SCN2A: variants seen among roughly 807,000 people sequenced by gnomAD.
SCN2A encodes the protein sodium channel protein type 2 subunit alpha.
Under a neutral mutation model 188.7 loss-of-function variants are expected in SCN2A, and 20 were observed. That is an observed-to-expected ratio of 0.11 (90% CI 0.07 to 0.15). The LOEUF is 0.15. SCN2A is among the 10% of genes least tolerant of loss of function. The probability of loss-of-function intolerance (pLI) is 1.00; values close to 1 mark genes in which losing one functional copy is unlikely to be tolerated. For missense variants in SCN2A, 1,278 were observed against 2,445.0 expected (o/e 0.52, Z 10.07); for synonymous variants, 804 against 833.1 (o/e 0.97, Z 0.60).
chr2:165,279,974 A>G (rs961160202), intron 1 of SCN2A, among the ~76,000 whole-genome samples: 1 of 152,130 alleles, frequency 6.6e-6, no homozygotes, highest in Admixed American at 6.6e-5. Flanking sequence ...TTTGCCTGCC[A>G]CCATTCACGA....
At chr2:165,312,476 A>G (rs1697491028) in intron 8 of SCN2A, among the ~76,000 whole-genome samples, 1 of 152,108 alleles carries the variant, frequency 6.6e-6, no homozygotes. Context: ...AATATCTGAG[A>G]CATGGGGAGT....
In SCN2A at chr2:165,306,768, T is replaced by C. The variant is rs577985363; in HGVS notation, c.387-1080T>C. 1.7e-3 allele frequency among the ~76,000 whole-genome samples: 260 copies of C among 152,202 alleles called. 1 individual carries two copies. The highest frequency in any genetic ancestry group is 2.6e-3 in the Non-Finnish European group (174 of 68,000). ...ACACAACATTGTCCAGTTGTAATAG[T>C]GTTGATATTTCATTATGTGTAAGTA... On this transcript the variant is annotated intron_variant, in intron 3 of 26. Coordinates refer to ENST00000375437, the MANE Select transcript of SCN2A (RefSeq NM_001040142.2).
intron 18 of SCN2A, among the ~76,000 whole-genome samples, chr2:165,365,472 G>A (rs900390434): frequency 5.9e-4 from 87 of 147,370 alleles, no homozygotes; most frequent in African/African-American, 2.2e-3. Context: ...GAAAAAAAAT[G>A]CAACTTTTTA....
At chr2:165,266,589 C>A (rs560251235) in intron 1 of SCN2A, 1 of 152,170 alleles carries the variant, frequency 6.6e-6, no homozygotes, top group Admixed American at 6.6e-5. Context: ...ATTGTATTGA[C>A]GGAAACTCAG....
intron 1 of SCN2A, chr2:165,267,061 T>C (rs1178162497): frequency 6.6e-6 from 1 of 152,070 alleles, no homozygotes; most frequent in African/African-American, 2.4e-5. Flanking sequence ...ATTAATGTTC[T>C]TAAAATACCC....
rs562270305 is a variant in SCN2A, at chr2:165,254,940, G to GA, written c.-52+15304dup. Among the ~76,000 whole-genome samples, 371 of 151,796 alleles carry GA rather than the reference G, an allele frequency of 2.4e-3. 1 individual carries two copies. The highest frequency in any genetic ancestry group is 4.3e-3 in the Non-Finnish European group (290 of 67,778). On this transcript the variant is annotated intron_variant, in intron 1 of 26. Coordinates refer to ENST00000375437, the MANE Select transcript of SCN2A (RefSeq NM_001040142.2). ...ATATGTTTTCTCTCTAATAACATTGGAAAACCTAAATTTTTGTTTGTATTT... is the reference window on the plus strand; with the variant it reads ...ATATGTTTTCTCTCTAATAACATTGGAAAAACCTAAATTTTTGTTTGTATTT...
chr2:165,366,837 T>C (rs1700756513), intron 18 of SCN2A, among the ~76,000 whole-genome samples: 1 of 152,086 alleles, frequency 6.6e-6, no homozygotes, highest in Admixed American at 6.5e-5. Flanking sequence ...AGTTATACCA[T>C]TAAGTGAACT....
chr2:165,324,844 T>C (rs1574595510), intron 12 of SCN2A, among the ~76,000 whole-genome samples: 1 of 152,328 alleles, frequency 6.6e-6, no homozygotes, highest in East Asian at 1.9e-4. Flanking sequence ...TTATTTTTAA[T>C]TTCTTTAAAT....
intron 11 of SCN2A, among the ~76,000 whole-genome samples, chr2:165,321,485 T>G (rs1208510398): frequency 6.6e-6 from 1 of 152,224 alleles, no homozygotes; most frequent in African/African-American, 2.4e-5. Flanking sequence ...TTCATGCTGC[T>G]GATAAAGACA....
chr2:165,291,577 C>CCTTCCTTCCTT lies in SCN2A; in HGVS notation c.-51-4196_-51-4195insCTTCCTTCCTT, dbSNP rs1559340809. Among the ~76,000 whole-genome samples the CCTTCCTTCCTT allele has an allele frequency of 4.6e-5, 4 of 86,916 alleles. 1 individual carries two copies. Among genetic ancestry groups the CCTTCCTTCCTT allele is most frequent in the African/African-American group, 1.4e-4 (4 of 29,624 alleles). The allele number at this position is 86,916 out of a possible 152,430, so 57.0% of individuals were successfully genotyped here. On this transcript the variant is annotated intron_variant, in intron 1 of 26. Coordinates refer to ENST00000375437, the MANE Select transcript of SCN2A (RefSeq NM_001040142.2). ...CCTTCCTTCCTTCCTTCCTTCCTTT[C>CCTTCCTTCCTT]TCTCTCTCTCTCTCTCTCTCTCTTT...
intron 1 of SCN2A, chr2:165,269,376 C>T (rs573183911): frequency 1.1e-4 from 16 of 152,046 alleles, no homozygotes; most frequent in African/African-American, 3.4e-4. Context: ...TGGTTTTAGC[C>T]ACCAAGCAAA....
chr2:165,358,864 G>A (rs539102011), intron 17 of SCN2A, among the ~76,000 whole-genome samples: 3 of 152,084 alleles, frequency 2.0e-5, no homozygotes, highest in African/African-American at 4.8e-5. Flanking sequence ...AGCAATAAAC[G>A]TAACATCATT....
In SCN2A at chr2:165,297,152, C is replaced by A; in HGVS notation, c.386+17C>A. On this transcript the variant is annotated intron_variant, in intron 3 of 26. Coordinates refer to ENST00000375437, the MANE Select transcript of SCN2A (RefSeq NM_001040142.2). Reference sequence around the variant, plus strand: ...GGTACATTCATATCCTTTTTCAAATCGTCACTTAATATGATTTTCTTCTTT... The same window carrying A: ...GGTACATTCATATCCTTTTTCAAATAGTCACTTAATATGATTTTCTTCTTT... 2 of 1,376,184 alleles carry A rather than the reference C, an allele frequency of 1.5e-6. No homozygotes were observed. The highest frequency in any genetic ancestry group is 2.1e-6 in the Non-Finnish European group (2 of 964,638). The allele number at this position is 1,376,184 out of a possible 1,614,324, so 85.2% of individuals were successfully genotyped here. A position where few individuals can be genotyped will look rare whatever the true frequency, so the allele number is the denominator to read the frequency against.
In SCN2A at chr2:165,369,218, C is replaced by T. The variant is rs894481963; in HGVS notation, c.3676-908C>T. On this transcript the variant is annotated intron_variant, in intron 19 of 26. Coordinates refer to ENST00000375437, the MANE Select transcript of SCN2A (RefSeq NM_001040142.2). ...TGCTGGAACGACGGGCGTGAACCACCGCACCTTGCCAGACATGCTTTCTAA... is the reference window on the plus strand; with the variant it reads ...TGCTGGAACGACGGGCGTGAACCACTGCACCTTGCCAGACATGCTTTCTAA... Among the ~76,000 whole-genome samples the T allele has an allele frequency of 9.2e-5, 14 of 152,198 alleles. No homozygotes were observed. The East Asian group carries it at 1.9e-3, about 21-fold the overall frequency.
intron 16 of SCN2A, among the ~76,000 whole-genome samples, chr2:165,351,998 G>T (rs1699945008): frequency 1.3e-5 from 2 of 151,978 alleles, no homozygotes; most frequent in South Asian, 4.2e-4. Flanking sequence ...TGTAAATAGA[G>T]TATTTGTCCA....
At position 165,323,307 on chromosome 2, in the gene SCN2A, G is replaced by A; in HGVS notation, c.1823G>A (p.Arg608Lys). The A allele has an allele frequency of 6.2e-7, 1 of 1,614,210 alleles. No individual in the cohort carries two copies. The highest frequency in any genetic ancestry group is 8.5e-7 in the Non-Finnish European group (1 of 1,180,036). Residue 608 changes from arginine to lysine, a missense_variant, in exon 12 of 27, where the codon AGA becomes AAA. Physicochemically the swap from Arg to Lys is conservative, Grantham distance 26. Coordinates refer to ENST00000375437, the MANE Select transcript of SCN2A (RefSeq NM_001040142.2). The stretch of plus-strand genomic sequence containing the variant: ...ACCTTTGAGGACAATGACAGCCGAA[G>A]AGACTCTCTGTTCGTGCCGCACAGA... ...HSTFEDNDSRRDSLFVPHRHG... is the reference protein window; with the variant it reads ...HSTFEDNDSRKDSLFVPHRHG...
rs1160180359 is a variant in SCN2A at position 165,389,854 on chromosome 2, T to A, written c.*30T>A. On this transcript the variant is annotated 3_prime_UTR_variant, in exon 27 of 27. Transcript: ENST00000375437. This position sits in a 1 kb window ranked among gnomAD's most constrained non-coding sequence, Gnocchi z 4.2. ...AAACCAAGAATTTTCCATTTTGTGA[T>A]CAATTGTTTACAGCCCGTGATGGTG... 1 of 1,567,216 alleles carries A rather than the reference T, an allele frequency of 6.4e-7. No homozygotes were observed. Among genetic ancestry groups the A allele is most frequent in the Non-Finnish European group, 8.6e-7 (1 of 1,157,204 alleles).
At chr2:165,267,761 T>TAATAAC (rs1429700543) in intron 1 of SCN2A, 1 of 151,700 alleles carries the variant, frequency 6.6e-6, no homozygotes, top group Non-Finnish European at 1.5e-5. Context: ...ATAATAATAA[T>TAATAAC]AATAACCTGA....
At chr2:165,272,271 G>T (rs1375802498) in intron 1 of SCN2A, 1 of 151,896 alleles carries the variant, frequency 6.6e-6, no homozygotes, top group African/African-American at 2.4e-5. Context: ...GATAAAAATG[G>T]TCATTTTATT....
Sources: gnomAD v4.1 joint callset for allele counts (sites outside exome capture counted in the v4.1 genomes callset) on GRCh38, gnomAD v4.1.1 for gene constraint, Gnocchi (gnomAD v3.1) non-coding constraint, MANE v1.5 for transcripts, NCBI Gene and HGNC (gene_info 2026-07-23, HGNC 2026-07-21) for gene names.